The following STPG2 variants were observed in gnomAD, a reference collection of about 807,000 sequenced individuals.
The protein encoded by STPG2 is sperm-tail PG-rich repeat-containing protein 2.
In STPG2, 56 loss-of-function variants were observed where a neutral mutation model predicts 54.2. The ratio of observed to expected loss-of-function variants is 1.03; its 90% confidence interval spans 0.83 to 1.29. The LOEUF is 1.29. STPG2 is among the 50% of genes most tolerant of loss of function. STPG2 has a pLI of 0.00. For synonymous variants in STPG2, 200 were observed against 181.8 expected (o/e 1.10, Z -0.81); for missense variants, 596 against 544.9 (o/e 1.09, Z -0.93).
intron 10 of STPG2, among the ~76,000 whole-genome samples, chr4:97,678,625 T>A (rs1722929773): frequency 6.6e-6 from 1 of 152,026 alleles, no homozygotes. Flanking sequence ...TTCTTTTATT[T>A]TATTTTATTA....
chr4:97,804,727 C>T (rs1727500450), intron 9 of STPG2, among the ~76,000 whole-genome samples: 1 of 152,130 alleles, frequency 6.6e-6, no homozygotes, highest in Admixed American at 6.5e-5. Context: ...AAAGCTACTT[C>T]CAGTCTCAAA....
intron 8 of STPG2, among the ~76,000 whole-genome samples, chr4:97,913,942 T>C (rs943218312): frequency 1.4e-4 from 21 of 152,082 alleles, no homozygotes; most frequent in Non-Finnish European, 2.2e-4. Flanking sequence ...CAATCAGAAA[T>C]AACATAAAAT....
chr4:97,576,244 G>A (rs769976723), intron 10 of STPG2, among the ~76,000 whole-genome samples: 4 of 149,552 alleles, frequency 2.7e-5, no homozygotes, highest in African/African-American at 7.4e-5. Context: ...CATTTTTCAC[G>A]GAATTAGAAA....
At chr4:98,021,887 C>T (rs1176345341) in intron 5 of STPG2, among the ~76,000 whole-genome samples, 1 of 151,826 alleles carries the variant, frequency 6.6e-6, no homozygotes. Context: ...TTCCTCCATC[C>T]CTTTATTCTG....
chr4:97,763,749 T>C (rs1725956900), intron 9 of STPG2, among the ~76,000 whole-genome samples: 1 of 152,302 alleles, frequency 6.6e-6, no homozygotes, highest in Middle Eastern at 3.4e-3. Context: ...GCAAGGGGAA[T>C]TCATTCCATG....
At chr4:97,454,946 C>T (rs2148801926) in intron 4 of STPG2, among the ~76,000 whole-genome samples, 1 of 152,118 alleles carries the variant, frequency 6.6e-6, no homozygotes, top group Non-Finnish European at 1.5e-5. Flanking sequence ...TAAAACATGC[C>T]TACTGTTTAC....
intron 4 of STPG2, among the ~76,000 whole-genome samples, chr4:97,485,642 C>A (rs932774270): frequency 6.6e-6 from 1 of 151,756 alleles, no homozygotes; most frequent in Non-Finnish European, 1.5e-5. Context: ...CAAAAGCAAT[C>A]TACAAATTCA....
intron 8 of STPG2, among the ~76,000 whole-genome samples, chr4:97,870,210 C>T (rs1729936754): frequency 6.6e-6 from 1 of 151,364 alleles, no homozygotes; most frequent in Non-Finnish European, 1.5e-5. Flanking sequence ...AAAGGAATAT[C>T]TAAGCCAAAA....
At chr4:97,635,488 C>T (rs1004484718) in intron 10 of STPG2, among the ~76,000 whole-genome samples, 3 of 152,078 alleles carry the variant, frequency 2.0e-5, no homozygotes, top group African/African-American at 4.8e-5. Context: ...TCACACATAA[C>T]CCTATTAACT....
chr4:98,042,192 T>C (rs1736981611), intron 5 of STPG2, among the ~76,000 whole-genome samples: 1 of 148,740 alleles, frequency 6.7e-6, no homozygotes, highest in African/African-American at 2.5e-5. Context: ...TCTTTTTTCA[T>C]TTCTGATTCT....
intron 8 of STPG2, among the ~76,000 whole-genome samples, chr4:97,875,906 TAGAA>T (rs1169310429): frequency 1.3e-5 from 2 of 151,912 alleles, no homozygotes; most frequent in Admixed American, 1.3e-4. Context: ...TGGGACATAT[TAGAA>T]AGAGAGTTAC....
intron 9 of STPG2, among the ~76,000 whole-genome samples, chr4:97,808,040 T>A (rs1338523917): frequency 6.6e-6 from 1 of 151,940 alleles, no homozygotes; most frequent in East Asian, 1.9e-4. Flanking sequence ...AACATATAAT[T>A]CTAAATCCAA....
At chr4:97,573,236 G>C (rs534794331) in intron 10 of STPG2, among the ~76,000 whole-genome samples, 1 of 151,580 alleles carries the variant, frequency 6.6e-6, no homozygotes, top group Non-Finnish European at 1.5e-5. Context: ...AACTATACAC[G>C]TTATATAAAA....
At chr4:97,718,681 C>G (rs767487581) in intron 9 of STPG2, among the ~76,000 whole-genome samples, 1 of 151,824 alleles carries the variant, frequency 6.6e-6, no homozygotes. Context: ...ATTTCAGTAA[C>G]CTTTGTCCTC....
At chr4:97,854,118 T>G (rs981956366) in intron 8 of STPG2, among the ~76,000 whole-genome samples, 1 of 152,092 alleles carries the variant, frequency 6.6e-6, no homozygotes, top group Admixed American at 6.6e-5. Context: ...GAGCCACTAT[T>G]CTTAAATGAT....
intron 3 of STPG2, among the ~76,000 whole-genome samples, chr4:98,117,192 G>A (rs990328315): frequency 6.6e-6 from 1 of 151,864 alleles, no homozygotes; most frequent in African/African-American, 2.4e-5. Flanking sequence ...TATTTTCAAG[G>A]AATAGCTTTG....
chr4:97,798,438 G>C (rs1279232738), intron 9 of STPG2, among the ~76,000 whole-genome samples: 12 of 152,088 alleles, frequency 7.9e-5, no homozygotes, highest in Admixed American at 7.9e-4. Flanking sequence ...ATTTCGTTAT[G>C]AACCCCATAG....
At chr4:97,979,331 C>A (rs1052578387) in intron 6 of STPG2, among the ~76,000 whole-genome samples, 2 of 152,222 alleles carry the variant, frequency 1.3e-5, no homozygotes, top group Middle Eastern at 3.4e-3. Flanking sequence ...CCCCAGAGAG[C>A]CTTACTGGAT....
At chr4:97,967,185 C>CAAAAAAA (rs58042990) in intron 7 of STPG2, among the ~76,000 whole-genome samples, 3 of 107,194 alleles carry the variant, frequency 2.8e-5, no homozygotes, top group Admixed American at 2.1e-4. Flanking sequence ...AAATGGTAAG[C>CAAAAAAA]AAAAAAAAAA....
Sources: gnomAD v4.1 joint callset for allele counts (sites outside exome capture counted in the v4.1 genomes callset) on GRCh38, gnomAD v4.1.1 for gene constraint, MANE v1.5 for transcripts, NCBI Gene and HGNC (gene_info 2026-07-23, HGNC 2026-07-21) for gene names.